Variants in ABCC12 observed in about 807,000 individuals in gnomAD.
ABCC12 encodes the protein ATP binding cassette subfamily C member 12, also known as ATP-binding cassette sub-family C member 12.
In ABCC12, 142 loss-of-function variants were observed where a neutral mutation model predicts 151.1. The observed-to-expected ratio is 0.94, with a 90% CI of 0.82 to 1.08. The LOEUF (loss-of-function observed/expected upper bound fraction) is 1.08. ABCC12 is among the 50% of genes least tolerant of loss of function. The probability of loss-of-function intolerance (pLI) is 0.00; values close to 1 mark genes in which losing one functional copy is unlikely to be tolerated. For missense variants in ABCC12, 1,638 were observed against 1,691.1 expected (o/e 0.97, Z 0.55); for synonymous variants, 645 against 646.4 (o/e 1.00, Z 0.03).
chr16:48,111,541 T>C (rs1178298923), intron 17 of ABCC12, 34 bp from the exon 18 acceptor site: 4 of 1,614,162 alleles, frequency 2.5e-6, no homozygotes, highest in Non-Finnish European at 8.5e-7. Context: ...TCTGTGTCCA[T>C]TCAAGCCAAG....
At chr16:48,120,157 A>C (rs1320446317) in intron 13 of ABCC12, among the ~76,000 whole-genome samples, 1 of 152,242 alleles carries the variant, frequency 6.6e-6, no homozygotes, top group Non-Finnish European at 1.5e-5. Flanking sequence ...AAAAAAGAAC[A>C]AAATCATGTA....
intron 29 of ABCC12, among the ~76,000 whole-genome samples, chr16:48,084,765 A>G (rs1440136964): frequency 6.6e-6 from 1 of 152,162 alleles, no homozygotes; most frequent in South Asian, 2.1e-4. Context: ...AATATATTAA[A>G]AGTCTCGGAG....
At chr16:48,126,978 G>T (rs978871672) in intron 11 of ABCC12, among the ~76,000 whole-genome samples, 4 of 152,132 alleles carry the variant, frequency 2.6e-5, no homozygotes, top group East Asian at 3.9e-4. Flanking sequence ...AAGGCAGGGC[G>T]GGGGGAAGTC....
intron 11 of ABCC12, 53 bp from the exon 12 acceptor site, chr16:48,124,337 G>A: frequency 6.3e-7 from 1 of 1,587,424 alleles, no homozygotes; most frequent in Non-Finnish European, 8.7e-7. Context: ...TTCTTAGAGG[G>A]TCTGGCCCAA....
intron 12 of ABCC12, among the ~76,000 whole-genome samples, chr16:48,122,580 C>T (rs1964108610): frequency 6.6e-6 from 1 of 152,066 alleles, no homozygotes. Context: ...GTGGGGCAGG[C>T]CACAGTGCTC....
chr16:48,086,559 C>G, intron 28 of ABCC12, 182 bp downstream of exon 28: 1 of 593,886 alleles, frequency 1.7e-6, no homozygotes. Context: ...CATTGTAGAG[C>G]CCTATTGTTG....
At chr16:48,103,463 T>C (rs548960665) in intron 22 of ABCC12, among the ~76,000 whole-genome samples, 27 of 152,140 alleles carry the variant, frequency 1.8e-4, no homozygotes, top group Non-Finnish European at 3.4e-4. Flanking sequence ...ACAAGCCCTC[T>C]GAAACAGGTG....
At chr16:48,107,185 GA>G in intron 20 of ABCC12, 136 bp downstream of exon 20, 1 of 826,692 alleles carries the variant, frequency 1.2e-6, no homozygotes, top group Non-Finnish European at 2.0e-6. Flanking sequence ...GTAAGCATCT[GA>G]CTCCCACTTC....
At position 48,080,895 on chromosome 16, in the gene ABCC12, A is replaced by C. The variant is rs1206419581; in HGVS notation, c.*2820T>G. On this transcript the variant is annotated 3_prime_UTR_variant, in exon 31 of 31. Coordinates refer to ENST00000311303, the MANE Select transcript of ABCC12 (RefSeq NM_001393797.1). Reference sequence around the variant, plus strand: ...TCTTAGACTGAGTAATTTATAAACAACAGAAATTTATTGCTCACAGTTCTG... The same window carrying C: ...TCTTAGACTGAGTAATTTATAAACACCAGAAATTTATTGCTCACAGTTCTG... Among the ~76,000 whole-genome samples, 1 of 152,204 alleles carries C rather than the reference A, an allele frequency of 6.6e-6. No individual in the cohort carries two copies. The highest frequency in any genetic ancestry group is 1.5e-5 in the Non-Finnish European group (1 of 68,034).
intron 28 of ABCC12, chr16:48,086,271 A>G (rs1962597648): frequency 5.8e-6 from 1 of 172,956 alleles, no homozygotes; most frequent in South Asian, 1.5e-4. Context: ...CCAACCAGCC[A>G]TACTTGCCAT....
At position 48,082,853 on chromosome 16, in the gene ABCC12, C is replaced by T. The variant is rs1357241873; in HGVS notation, c.*862G>A. The T allele has an allele frequency of 6.6e-6, 1 of 152,212 alleles. No homozygotes were observed. Among genetic ancestry groups the T allele is most frequent in the Non-Finnish European group, 1.5e-5 (1 of 68,032 alleles). 9.4% of individuals were successfully genotyped at this position (152,212 alleles called of 1,614,324 possible). ...AATGTCACCATGAGTTAGCAGCGCT[C>T]ACTCCTGGGGCTGCTGGGAATACAT... is the stretch of plus-strand genomic sequence containing the variant. On this transcript the variant is annotated 3_prime_UTR_variant, in exon 31 of 31. Transcript: ENST00000311303.
rs1198609359 is a variant in ABCC12, at chr16:48,144,071, G to A, written c.120-6C>T. The A allele has an allele frequency of 5.6e-6, 9 of 1,610,830 alleles. No homozygotes were observed. In the East Asian group the frequency reaches 1.6e-4, roughly 28 times the overall value. ...CCACCGGGTTGGGTGCTAACCTGCAGACAAACAAGACACTCAGCGTTCCAG... is the reference window on the plus strand; with the variant it reads ...CCACCGGGTTGGGTGCTAACCTGCAAACAAACAAGACACTCAGCGTTCCAG... On this transcript the variant is annotated splice_polypyrimidine_tract_variant and splice_region_variant and intron_variant, in intron 3 of 30. Coordinates refer to ENST00000311303, the MANE Select transcript of ABCC12 (RefSeq NM_001393797.1).
chr16:48,151,086 G>GA lies in ABCC12; in HGVS notation c.-51+2529dup, dbSNP rs202036804. Among the ~76,000 whole-genome samples, 1,050 of 150,490 alleles carry GA rather than the reference G, an allele frequency of 7.0e-3. 10 individuals carry two copies. The highest frequency in any genetic ancestry group is 0.024 in the African/African-American group (971 of 41,022). On this transcript the variant is annotated intron_variant, in intron 2 of 30. Transcript: ENST00000311303. ...AAGAGTATAGTACCATATGGAAAAG[G>GA]AAAAAAAAATAGCAACTTTGCAGTG...
At chr16:48,150,458 A>T (rs757671336) in intron 2 of ABCC12, among the ~76,000 whole-genome samples, 24 of 152,214 alleles carry the variant, frequency 1.6e-4, no homozygotes, top group Non-Finnish European at 3.4e-4. Context: ...TGTATAGCTC[A>T]TATGATAAAT....
Position 48,084,159 on chromosome 16 carries a change from A to T in ABCC12, c.3829-86T>A. Reference sequence around the variant, plus strand: ...CTCTATTTACTTTAAAAAAAAGAAGAAGAAGAAAAATAAGACCACAAGATG... The same window carrying T: ...CTCTATTTACTTTAAAAAAAAGAAGTAGAAGAAAAATAAGACCACAAGATG... On this transcript the variant is annotated intron_variant, in intron 29 of 30. Coordinates refer to ENST00000311303, the MANE Select transcript of ABCC12 (RefSeq NM_001393797.1). The T allele has an allele frequency of 6.5e-6, 9 of 1,377,970 alleles. No individual in the cohort carries two copies. In the South Asian group the frequency reaches 1.3e-4, roughly 19 times the overall value. 85.4% of individuals were successfully genotyped at this position (1,377,970 alleles called of 1,614,324 possible). A position where few individuals can be genotyped will look rare whatever the true frequency, so the allele number is the denominator to read the frequency against.
chr16:48,105,809 C>CG (rs1963474305), intron 20 of ABCC12, among the ~76,000 whole-genome samples: 2 of 152,182 alleles, frequency 1.3e-5, no homozygotes, highest in South Asian at 4.1e-4. Context: ...CAGGGCAACT[C>CG]GGGGGGCTTC....
intron 18 of ABCC12, 71 bp from the exon 19 acceptor site, chr16:48,108,600 C>T: frequency 2.7e-6 from 3 of 1,119,276 alleles, no homozygotes; most frequent in East Asian, 4.7e-5. Context: ...GGCACGGCCC[C>T]TCCACAGACT....
In ABCC12 at chr16:48,139,170, G is replaced by T; in HGVS notation, c.824C>A (p.Pro275His). 1 of 1,596,170 alleles carries T rather than the reference G, an allele frequency of 6.3e-7. No individual in the cohort carries two copies. The highest frequency in any genetic ancestry group is 1.8e-5 in the Admixed American group (1 of 54,598). The change falls in exon 7 of 31, where the codon CCC becomes CAC. Residue 275 changes from proline (P) to histidine (H), a missense_variant. Coordinates refer to ENST00000311303, the MANE Select transcript of ABCC12 (RefSeq NM_001393797.1). ...GCAAAAGCCTGCCGTTACCTGGACGGGTATGAATATGACATACACTGATAT... is the reference window on the plus strand; with the variant it reads ...GCAAAAGCCTGCCGTTACCTGGACGTGTATGAATATGACATACACTGATAT... ...IGISVYVIFI[P>H]VQMFMAKLNS...
chr16:48,105,701 C>A (rs913210395), intron 20 of ABCC12, among the ~76,000 whole-genome samples: 15 of 152,146 alleles, frequency 9.9e-5, no homozygotes, highest in African/African-American at 3.6e-4. Context: ...GGAATTCCAC[C>A]AGGCTGGAGG....
Sources: gnomAD v4.1 joint callset for allele counts (sites outside exome capture counted in the v4.1 genomes callset) on GRCh38, gnomAD v4.1.1 for gene constraint, MANE v1.5 for transcripts, NCBI Gene and HGNC (gene_info 2026-07-23, HGNC 2026-07-21) for gene names.